The following GUK1 variants were observed in gnomAD, a reference collection of about 807,000 sequenced individuals.
The protein encoded by GUK1 is guanylate kinase 1, also known as guanylate kinase.
In GUK1, 18 loss-of-function variants were observed where a neutral mutation model predicts 25.2. The observed-to-expected ratio is 0.71, with a 90% CI of 0.49 to 1.06. The LOEUF is 1.06. GUK1 is among the 50% of genes least tolerant of loss of function. The pLI, the probability that GUK1 is intolerant of heterozygous loss-of-function variation, is 0.00. For synonymous variants in GUK1, 105 were observed against 117.6 expected (o/e 0.89, Z 0.69); for missense variants, 261 against 276.7 (o/e 0.94, Z 0.40).
chr1:228,141,428 C>A, intron 2 of GUK1: 2 of 317,054 alleles, frequency 6.3e-6, no homozygotes, highest in Non-Finnish European at 4.6e-6. Context: ...AGAAACCCTG[C>A]AGCCAAGAGC....
chr1:228,144,128 C>T (rs2034227083), intron 2 of GUK1, among the ~76,000 whole-genome samples: 1 of 152,046 alleles, frequency 6.6e-6, no homozygotes, highest in African/African-American at 2.4e-5. Flanking sequence ...GGTTTGTGCA[C>T]ACATCCTGCA....
At chr1:228,145,786 A>T (rs1446879708) in intron 3 of GUK1, 162 bp downstream of exon 2, 2 of 841,428 alleles carry the variant, frequency 2.4e-6, no homozygotes, top group Non-Finnish European at 3.7e-6. Context: ...AGGTTATCAC[A>T]CTCCTGCTGT....
intron 2 of GUK1, among the ~76,000 whole-genome samples, chr1:228,143,967 C>A (rs542986167): frequency 6.6e-6 from 1 of 152,132 alleles, no homozygotes; most frequent in East Asian, 1.9e-4. Context: ...GTCTTTTTAA[C>A]TGGGGGTCCG....
At chr1:228,147,775 T>A in intron 7 of GUK1, 76 bp downstream of exon 6, 2 of 1,308,790 alleles carry the variant, frequency 1.5e-6, no homozygotes, top group Non-Finnish European at 2.1e-6. Flanking sequence ...CCAGGGACCC[T>A]GTGGGTCCCC....
At chr1:228,140,786 G>A (rs1371702729) in intron 1 of GUK1, among the ~76,000 whole-genome samples, 1 of 152,260 alleles carries the variant, frequency 6.6e-6, no homozygotes, top group African/African-American at 2.4e-5. Flanking sequence ...CTATTCCGGG[G>A]CTCCCAGGAT....
intron 7 of GUK1, 53 bp from the exon 7 acceptor site, chr1:228,148,318 T>G (rs1265857770): frequency 1.6e-6 from 2 of 1,274,406 alleles, no homozygotes; most frequent in African/African-American, 2.9e-5. Context: ...GTGTGGGACC[T>G]GGGGTGGGGC....
intron 8 of GUK1, 39 bp downstream of exon 7, chr1:228,148,495 G>C: frequency 6.7e-7 from 1 of 1,492,524 alleles, no homozygotes. Flanking sequence ...AAGGCCCAAG[G>C]GGAGGCCTGG....
At position 228,146,015 on chromosome 1, in the gene GUK1, C is replaced by A; in HGVS notation, c.113-11C>A. Reference sequence around the variant, plus strand: ...GAGCAGCCCCCGATGGGTGACAGGTCTCTCTGCTAGATACCACGAGGAACC... The same window carrying A: ...GAGCAGCCCCCGATGGGTGACAGGTATCTCTGCTAGATACCACGAGGAACC... On this transcript the variant is annotated splice_polypyrimidine_tract_variant and intron_variant, in intron 3 of 8. Coordinates refer to ENST00000312726, the MANE Select transcript of GUK1 (RefSeq NM_000858.7). The A allele has an allele frequency of 6.2e-7, 1 of 1,606,252 alleles. No individual in the cohort carries two copies. Among genetic ancestry groups the A allele is most frequent in the Non-Finnish European group, 8.5e-7 (1 of 1,173,052 alleles).
chr1:228,140,282 GGGCGGAAGAGGT>G lies in GUK1; in HGVS notation c.-245_-234del. The G allele has an allele frequency of 1.3e-6, 2 of 1,529,600 alleles. No homozygotes were observed. Among genetic ancestry groups the G allele is most frequent in the Non-Finnish European group, 1.7e-6 (2 of 1,143,434 alleles). The allele number at this position is 1,529,600 out of a possible 1,614,324, so 94.8% of individuals were successfully genotyped here. On this transcript the variant is annotated 5_prime_UTR_variant, in exon 1 of 9. Transcript: ENST00000312726. ...TGCGGCGCTGTCACGTAGGTTCAGT[GGGCGGAAGAGGT>G]GGCCCCGGATGCTGCGGCGCCCGCT...
chr1:228,141,814 AC>A, intron 2 of GUK1: 1 of 1,206,452 alleles, frequency 8.3e-7, no homozygotes, highest in Non-Finnish European at 1.1e-6. Context: ...TCCTGTGGAG[AC>A]CACGTGCCTG....
chr1:228,145,448 G>A (rs1034974805), intron 2 of GUK1, 63 bp from the exon 2 acceptor site: 20 of 1,474,542 alleles, frequency 1.4e-5, no homozygotes, highest in Non-Finnish European at 1.8e-5. Context: ...GAAGGCAGAG[G>A]CAGCTCAGCA....
upstream of GUK1, chr1:228,140,100 A>C: frequency 1.8e-6 from 1 of 549,278 alleles, no homozygotes; most frequent in Non-Finnish European, 3.2e-6. Flanking sequence ...CGCTGTGCTG[A>C]ACGCCCCTGC....
chr1:228,145,560 G>C lies in GUK1; in HGVS notation c.48G>C (p.Gly16=), dbSNP rs1349488874. 2.5e-6 allele frequency: 4 copies of C among 1,613,170 alleles called. No homozygotes were observed. The highest frequency in any genetic ancestry group is 1.7e-5 in the Admixed American group (1 of 60,004). The change falls in exon 3 of 9, where the codon GGG becomes GGC. Residue 16 remains glycine (G), a synonymous_variant. Transcript: ENST00000312726. ...TGCTGAGCGGGCCTTCGGGAGCTGG[G>C]AAGAGCACCCTGCTGAAGAGGCTGC...
upstream of GUK1, chr1:228,140,175 A>G: frequency 1.3e-6 from 1 of 785,920 alleles, no homozygotes; most frequent in East Asian, 2.9e-5. Context: ...TACTTCCCTA[A>G]GGGGCGGGGA....
intron 2 of GUK1, among the ~76,000 whole-genome samples, chr1:228,143,309 C>T (rs1207878154): frequency 6.6e-6 from 1 of 152,192 alleles, no homozygotes; most frequent in Non-Finnish European, 1.5e-5. Flanking sequence ...CTCAGTGGAG[C>T]AACAGGACAG....
intron 5 of GUK1, 105 bp from the exon 5 acceptor site, chr1:228,147,301 G>A (rs2034434790): frequency 1.8e-6 from 2 of 1,118,534 alleles, no homozygotes; most frequent in Admixed American, 4.3e-5. Context: ...CCTAGGCTCA[G>A]CTGTGGGAGG....
intron 4 of GUK1, 34 bp from the exon 4 acceptor site, chr1:228,146,808 G>T (rs1240596518): frequency 6.9e-7 from 1 of 1,448,296 alleles, no homozygotes; most frequent in Non-Finnish European, 9.7e-7. Context: ...TGCAGGTCCA[G>T]TCTGCCCTCT....
intron 4 of GUK1, chr1:228,146,555 C>A: frequency 2.1e-6 from 1 of 484,506 alleles, no homozygotes; most frequent in Non-Finnish European, 3.8e-6. Context: ...TCCCCCAGAA[C>A]CTGTTGGTCT....
At position 228,148,798 on chromosome 1, in the gene GUK1, C is replaced by A; in HGVS notation, c.*101C>A. 1 of 1,594,788 alleles carries A rather than the reference C, an allele frequency of 6.3e-7. No homozygotes were observed. Among genetic ancestry groups the A allele is most frequent in the Non-Finnish European group, 8.5e-7 (1 of 1,171,238 alleles). ...CGATACGGCAGCTCTGTGCCCTTGG[C>A]CAGCATGTGGAGTGGAGGAGATGCT... is the stretch of plus-strand genomic sequence containing the variant. On this transcript the variant is annotated 3_prime_UTR_variant, in exon 9 of 9. Transcript: ENST00000312726.
Sources: gnomAD v4.1 joint callset for allele counts (sites outside exome capture counted in the v4.1 genomes callset) on GRCh38, gnomAD v4.1.1 for gene constraint, MANE v1.5 for transcripts, NCBI Gene and HGNC (gene_info 2026-07-23, HGNC 2026-07-21) for gene names.